The following AP1S3 variants were observed in gnomAD, a reference collection of about 807,000 sequenced individuals.
AP1S3 encodes AP-1 complex subunit sigma-3.
A neutral mutation model predicts 20.9 loss-of-function variants in AP1S3; 10 were observed. The observed-to-expected ratio is 0.48, with a 90% CI of 0.29 to 0.81. The LOEUF is 0.81. Among genes scored for constraint, AP1S3 ranks in the 30% least tolerant of loss-of-function variants. AP1S3 has a pLI of 0.08. For synonymous variants in AP1S3, 41 were observed against 61.5 expected (o/e 0.67, Z 1.56); for missense variants, 154 against 183.8 (o/e 0.84, Z 0.94).
chr2:223,776,464 CAGCAGAAGG>C (rs2106089317), intron 2 of AP1S3, among the ~76,000 whole-genome samples: 1 of 152,308 alleles, frequency 6.6e-6, no homozygotes, highest in Admixed American at 6.5e-5. Context: ...ACCTTGGGCC[CAGCAGAAGG>C]AGCTTTGCAG....
At chr2:223,788,762 T>TA (rs778744960) in intron 1 of AP1S3, among the ~76,000 whole-genome samples, 9,005 of 110,012 alleles carry the variant, frequency 0.082, 1,163 homozygotes, top group African/African-American at 0.28. Context: ...AGACTCTGTC[T>TA]AAAAAAAAAA....
chr2:223,812,104 G>C (rs1170850102), intron 1 of AP1S3, among the ~76,000 whole-genome samples: 1 of 152,198 alleles, frequency 6.6e-6, no homozygotes, highest in East Asian at 1.9e-4. Flanking sequence ...CAAAGCATTT[G>C]TTTTACATAC....
chr2:223,783,092 C>T (rs1423111966), intron 1 of AP1S3, among the ~76,000 whole-genome samples: 1 of 152,160 alleles, frequency 6.6e-6, no homozygotes, highest in Non-Finnish European at 1.5e-5. Context: ...AACTTAAATG[C>T]AAGTTGATGT....
intron 1 of AP1S3, among the ~76,000 whole-genome samples, chr2:223,818,981 C>T (rs1436042677): frequency 6.6e-6 from 1 of 152,156 alleles, no homozygotes; most frequent in African/African-American, 2.4e-5. Context: ...ATTTTAATTG[C>T]CAATAAAGTA....
At chr2:223,818,292 C>G (rs1691903710) in intron 1 of AP1S3, among the ~76,000 whole-genome samples, 1 of 151,970 alleles carries the variant, frequency 6.6e-6, no homozygotes, top group African/African-American at 2.4e-5. Flanking sequence ...TGGTATGCAC[C>G]TGTAGTCCCA....
chr2:223,833,773 G>A (rs967192711), intron 1 of AP1S3, among the ~76,000 whole-genome samples: 1 of 152,218 alleles, frequency 6.6e-6, no homozygotes, highest in Non-Finnish European at 1.5e-5. Context: ...TGGTTACTGA[G>A]CATTTACAAT....
intron 1 of AP1S3, among the ~76,000 whole-genome samples, chr2:223,788,108 G>A (rs1691118841): frequency 1.3e-5 from 2 of 151,826 alleles, no homozygotes; most frequent in Admixed American, 1.3e-4. Flanking sequence ...CACCATGCCT[G>A]GCTCATTTTT....
At chr2:223,811,394 C>T (rs1406440496) in intron 1 of AP1S3, among the ~76,000 whole-genome samples, 1 of 151,764 alleles carries the variant, frequency 6.6e-6, no homozygotes, top group Non-Finnish European at 1.5e-5. Flanking sequence ...ATGGCAAAAC[C>T]CCTTCTCTAC....
chr2:223,815,820 C>T (rs1166963115), intron 1 of AP1S3, among the ~76,000 whole-genome samples: 1 of 152,116 alleles, frequency 6.6e-6, no homozygotes, highest in African/African-American at 2.4e-5. Context: ...TTGATAGAAA[C>T]AAGAGTCAGG....
At chr2:223,793,926 G>C (rs1302273454) in intron 1 of AP1S3, among the ~76,000 whole-genome samples, 1 of 152,034 alleles carries the variant, frequency 6.6e-6, no homozygotes, top group African/African-American at 2.4e-5. Flanking sequence ...TTACAGGTGT[G>C]AGCCACTGTG....
chr2:223,801,851 C>A (rs1401430061), intron 1 of AP1S3, among the ~76,000 whole-genome samples: 1 of 152,118 alleles, frequency 6.6e-6, no homozygotes, highest in African/African-American at 2.4e-5. Context: ...CTTACAGAGA[C>A]TAAGAAGAAA....
chr2:223,771,094 G>T (rs546123940), intron 3 of AP1S3, among the ~76,000 whole-genome samples: 63 of 152,084 alleles, frequency 4.1e-4, no homozygotes, highest in Non-Finnish European at 5.6e-4. Flanking sequence ...CAGCACTTTG[G>T]GGGGGCTGAG....
chr2:223,794,158 T>G (rs927346135), intron 1 of AP1S3, among the ~76,000 whole-genome samples: 76 of 152,270 alleles, frequency 5.0e-4, no homozygotes, highest in South Asian at 1.9e-3. Flanking sequence ...TTGCTCAGAA[T>G]GGGGACTCAC....
intron 3 of AP1S3, among the ~76,000 whole-genome samples, chr2:223,767,774 T>C (rs1690517159): frequency 6.6e-6 from 1 of 152,146 alleles, no homozygotes; most frequent in Admixed American, 6.5e-5. Flanking sequence ...CTATTTTGCT[T>C]AGTAGTTGCA....
intron 1 of AP1S3, among the ~76,000 whole-genome samples, chr2:223,814,881 A>T (rs1436821897): frequency 6.6e-6 from 1 of 152,082 alleles, no homozygotes; most frequent in Non-Finnish European, 1.5e-5. Flanking sequence ...GGCTCAGGAG[A>T]TCCTCCTGCC....
At chr2:223,813,275 G>A (rs754847422) in intron 1 of AP1S3, among the ~76,000 whole-genome samples, 13 of 152,088 alleles carry the variant, frequency 8.5e-5, no homozygotes, top group Non-Finnish European at 1.8e-4. Context: ...ACCTTAGTGA[G>A]CAATTTTCCT....
chr2:223,770,532 C>CACACACACACACACACACACACA (rs60585278), intron 3 of AP1S3, among the ~76,000 whole-genome samples: 1 of 89,942 alleles, frequency 1.1e-5, no homozygotes, highest in East Asian at 2.4e-4. Context: ...ACACACACAC[C>CACACACACACACACACACACACA]CCTTGATATA....
intron 1 of AP1S3, among the ~76,000 whole-genome samples, chr2:223,785,809 G>GTATGAT: frequency 6.6e-6 from 1 of 152,290 alleles, no homozygotes; most frequent in South Asian, 2.1e-4. Context: ...CAAATAGTCA[G>GTATGAT]TATGATACTA....
intron 1 of AP1S3, among the ~76,000 whole-genome samples, chr2:223,804,077 G>C (rs947612414): frequency 1.3e-4 from 20 of 152,070 alleles, no homozygotes; most frequent in African/African-American, 4.8e-4. Context: ...GCTGAACAAT[G>C]CTCCTTTTCC....
Sources: allele counts gnomAD v4.1 joint callset (sites outside exome capture counted in the v4.1 genomes callset), GRCh38; gene constraint gnomAD v4.1.1; transcripts MANE v1.5; gene names NCBI Gene and HGNC (gene_info 2026-07-23, HGNC 2026-07-21).